The following ZNF618 variants were observed in gnomAD, a reference collection of about 807,000 sequenced individuals.
ZNF618 encodes the protein neural precursor cell expressed, developmentally down-regulated 10.
ZNF618 carries 34 observed loss-of-function variants against 103.0 expected under a neutral mutation model. That is an observed-to-expected ratio of 0.33 (90% confidence interval 0.25 to 0.44). The LOEUF (loss-of-function observed/expected upper bound fraction) is 0.44. Among genes scored for constraint, ZNF618 ranks in the 20% least tolerant of loss-of-function variants. ZNF618 has a pLI of 1.00. For synonymous variants in ZNF618, 551 were observed against 542.2 expected, an observed-to-expected ratio of 1.02 and a Z score of -0.23; for missense variants, 1,059 against 1,295.4, an observed-to-expected ratio of 0.82 and a Z score of 2.80.
At chr9:113,887,852 T>A (rs1829223860) in intron 1 of ZNF618, among the ~76,000 whole-genome samples, 2 of 152,220 alleles carry the variant, frequency 1.3e-5, no homozygotes, top group Admixed American at 1.3e-4. Context: ...ATTTTTTTAA[T>A]TAGGAACTTT....
intron 1 of ZNF618, among the ~76,000 whole-genome samples, chr9:113,898,293 T>C (rs2131178533): frequency 6.6e-6 from 1 of 152,332 alleles, no homozygotes. Context: ...AACTCTATTT[T>C]TGTCACTCCA....
At chr9:114,002,735 CCCCTCCCCCAGAACT>C in intron 6 of ZNF618, 73 bp downstream of exon 6, 5 of 1,545,854 alleles carry the variant, frequency 3.2e-6, no homozygotes, top group Non-Finnish European at 4.4e-6. Context: ...AGCTGCTTGT[CCCCTCCCCCAGAACT>C]GCTCCAGGTG....
At chr9:113,932,312 C>G (rs966706519) in intron 1 of ZNF618, among the ~76,000 whole-genome samples, 2 of 152,120 alleles carry the variant, frequency 1.3e-5, no homozygotes, top group Admixed American at 1.3e-4. Flanking sequence ...AGAAAGGCCA[C>G]AGTGGCTAGA....
chr9:114,029,628 T>C (rs1305172525), intron 11 of ZNF618, among the ~76,000 whole-genome samples: 1 of 150,210 alleles, frequency 6.7e-6, no homozygotes, highest in Non-Finnish European at 1.5e-5. Flanking sequence ...TTCAGAAAAC[T>C]TAATTTAAAA....
At chr9:113,895,004 A>G (rs1484701297) in intron 1 of ZNF618, among the ~76,000 whole-genome samples, 1 of 152,110 alleles carries the variant, frequency 6.6e-6, no homozygotes, top group Non-Finnish European at 1.5e-5. Flanking sequence ...GTATTCTTGT[A>G]TTATCTTATT....
In ZNF618 at chr9:113,970,272, A is replaced by G. The variant is rs557563298; in HGVS notation, c.77+1112A>G. On this transcript the variant is annotated intron_variant, in intron 2 of 14. Coordinates refer to ENST00000374126, the MANE Select transcript of ZNF618 (RefSeq NM_001318042.2). ...GCATTGAGCAAGTGTTCCTTGGAAC[A>G]TACTTTGAGAAACCATGGAAAGATA... Among the ~76,000 whole-genome samples the G allele has an allele frequency of 8.5e-5, 13 of 152,224 alleles. No individual in the cohort carries two copies. In the South Asian group the frequency reaches 2.7e-3, roughly 32 times the overall value.
At chr9:114,001,805 C>T (rs1841232761) in intron 4 of ZNF618, among the ~76,000 whole-genome samples, 191 bp from the exon 5 acceptor site, 1 of 152,100 alleles carries the variant, frequency 6.6e-6, no homozygotes. Flanking sequence ...CAAGGTCACC[C>T]ACAGAGTGGA....
chr9:113,953,425 C>T (rs1301252138), intron 1 of ZNF618, among the ~76,000 whole-genome samples: 1 of 152,106 alleles, frequency 6.6e-6, no homozygotes, highest in African/African-American at 2.4e-5. Context: ...TAATGGAAAG[C>T]GAAGCAGGAA....
At chr9:114,031,880 C>T (rs191655632) in intron 11 of ZNF618, among the ~76,000 whole-genome samples, 11 of 150,584 alleles carry the variant, frequency 7.3e-5, no homozygotes, top group African/African-American at 2.7e-4. Context: ...TCTTCCAGCT[C>T]GGATCATCTG....
intron 1 of ZNF618, among the ~76,000 whole-genome samples, chr9:113,919,326 T>C (rs1832425062): frequency 6.6e-6 from 1 of 152,222 alleles, no homozygotes; most frequent in Admixed American, 6.5e-5. Flanking sequence ...AGCTGGGGGC[T>C]GCTGAGAGCC....
intron 2 of ZNF618, among the ~76,000 whole-genome samples, chr9:113,987,174 C>T (rs1839564161): frequency 1.3e-5 from 2 of 152,186 alleles, no homozygotes; most frequent in Admixed American, 1.3e-4. Flanking sequence ...GCTTCCCCAC[C>T]TCACAGACAA....
chr9:114,048,518 A>G (rs1845857504), intron 14 of ZNF618, 133 bp from the exon 15 acceptor site: 3 of 943,706 alleles, frequency 3.2e-6, no homozygotes, highest in Non-Finnish European at 4.7e-6. Flanking sequence ...GGCAGCCAGC[A>G]CCACCCATGT....
rs1230875465 is a variant in ZNF618, at chr9:114,053,882, A to G, written c.*3715A>G. 1 of 152,200 alleles carries G rather than the reference A, an allele frequency of 6.6e-6. No individual in the cohort carries two copies. The highest frequency in any genetic ancestry group is 2.4e-5 in the African/African-American group (1 of 41,432). 9.4% of individuals were successfully genotyped at this position (152,200 alleles called of 1,614,324 possible). On this transcript the variant is annotated 3_prime_UTR_variant, in exon 15 of 15. Transcript: ENST00000374126. ...CCACCTGCCGCATCACCAGTGAGGA[A>G]GCTTTGCCACCATCCTGCTTGGCAG...
chr9:113,983,433 G>A lies in ZNF618; in HGVS notation c.78-4888G>A, dbSNP rs529458745. On this transcript the variant is annotated intron_variant, in intron 2 of 14. Transcript: ENST00000374126. ...AGGAAGTTGCCCATGCCTTTGTCGC[G>A]GCAAGGACTCGGGGGCATCACGTTT... Among the ~76,000 whole-genome samples the A allele has an allele frequency of 1.2e-3, 188 of 152,276 alleles. 2 individuals are homozygous for A. Among genetic ancestry groups the A allele is most frequent in the South Asian group, 6.0e-3 (29 of 4,830 alleles).
chr9:113,914,176 C>G (rs193076152), intron 1 of ZNF618, among the ~76,000 whole-genome samples: 5 of 152,118 alleles, frequency 3.3e-5, no homozygotes, highest in Non-Finnish European at 5.9e-5. Context: ...GTTGCTCCCC[C>G]GGTTCTTTCT....
chr9:113,975,538 A>ATCCAAAATGC (rs1293512102), intron 2 of ZNF618, among the ~76,000 whole-genome samples: 1 of 152,220 alleles, frequency 6.6e-6, no homozygotes, highest in Non-Finnish European at 1.5e-5. Flanking sequence ...TAATCCAGAA[A>ATCCAAAATGC]TCCAAAATGC....
At chr9:113,934,229 G>T (rs1216852989) in intron 1 of ZNF618, among the ~76,000 whole-genome samples, 2 of 152,088 alleles carry the variant, frequency 1.3e-5, no homozygotes, top group Non-Finnish European at 2.9e-5. Flanking sequence ...CTGGTGGAGG[G>T]TGTGCTGGGC....
At chr9:113,991,876 G>T (rs1446389554) in intron 3 of ZNF618, among the ~76,000 whole-genome samples, 1 of 152,156 alleles carries the variant, frequency 6.6e-6, no homozygotes. Context: ...GGGACGTGTG[G>T]AGCTGCCATG....
At chr9:113,876,934 A>T (rs1216653327) in intron 1 of ZNF618, among the ~76,000 whole-genome samples, 1 of 148,570 alleles carries the variant, frequency 6.7e-6, no homozygotes, top group African/African-American at 2.5e-5. Flanking sequence ...TTCAAACGGT[A>T]GTTTTTTCCC....
Sources: gnomAD v4.1 joint callset for allele counts (sites outside exome capture counted in the v4.1 genomes callset) on GRCh38, gnomAD v4.1.1 for gene constraint, MANE v1.5 for transcripts, NCBI Gene and HGNC (gene_info 2026-07-23, HGNC 2026-07-21) for gene names.